The following BAZ1B variants were observed in gnomAD, a reference collection of about 807,000 sequenced individuals.
BAZ1B encodes the protein bromodomain adjacent to zinc finger domain 1B, also known as tyrosine-protein kinase BAZ1B.
A neutral mutation model predicts 153.8 loss-of-function variants in BAZ1B; 22 were observed. That is an observed-to-expected ratio of 0.14 (90% confidence interval 0.10 to 0.20). The LOEUF (loss-of-function observed/expected upper bound fraction) is 0.20. Ranked by LOEUF, BAZ1B falls within the 10% of genes least tolerant of loss-of-function variation. BAZ1B has a pLI of 1.00. For synonymous variants in BAZ1B, 676 were observed against 633.4 expected (o/e 1.07, Z -1.01); for missense variants, 1,325 against 1,799.3 (o/e 0.74, Z 4.77).
chr7:73,494,115 C>A (rs1395749125), intron 4 of BAZ1B, among the ~76,000 whole-genome samples: 1 of 151,674 alleles, frequency 6.6e-6, no homozygotes, highest in Non-Finnish European at 1.5e-5. Context: ...ATCACAGTGG[C>A]TCGTGCCTGT....
In BAZ1B at chr7:73,489,422, C is replaced by G. The variant is rs782066797; in HGVS notation, c.694-31G>C. ...TTAAAAAGAAACAAATAACTCACCACTGGGGTAAAAAGTAATTACCCAAAT... is the reference window on the plus strand; with the variant it reads ...TTAAAAAGAAACAAATAACTCACCAGTGGGGTAAAAAGTAATTACCCAAAT... On this transcript the variant is annotated intron_variant, in intron 5 of 19. Coordinates refer to ENST00000339594, the MANE Select transcript of BAZ1B (RefSeq NM_032408.4). 7 of 1,611,426 alleles carry G rather than the reference C, an allele frequency of 4.3e-6. No individual in the cohort carries two copies. The South Asian group carries it at 7.7e-5, about 18-fold the overall frequency.
chr7:73,449,452 T>C, intron 15 of BAZ1B, 90 bp downstream of exon 15: 1 of 1,426,954 alleles, frequency 7.0e-7, no homozygotes, highest in Non-Finnish European at 9.3e-7. Context: ...TAAAGCTCCT[T>C]AGATTCATTC....
intron 1 of BAZ1B, 21 bp downstream of exon 1, chr7:73,521,806 C>A: frequency 2.0e-6 from 3 of 1,483,254 alleles, no homozygotes; most frequent in Non-Finnish European, 2.7e-6. Flanking sequence ...CAGCCCGGCC[C>A]GCGCGGCTGG....
chr7:73,452,939 C>A (rs1370823952), intron 13 of BAZ1B, among the ~76,000 whole-genome samples: 2 of 152,092 alleles, frequency 1.3e-5, no homozygotes, highest in South Asian at 2.1e-4. Context: ...AGGATTTTGC[C>A]AAACAATATA....
intron 12 of BAZ1B, among the ~76,000 whole-genome samples, chr7:73,461,071 G>A (rs1193461297): frequency 6.6e-6 from 1 of 151,966 alleles, no homozygotes; most frequent in Admixed American, 6.6e-5. Context: ...CGCCTCCCGG[G>A]TTTAAGCGAT....
intron 7 of BAZ1B, among the ~76,000 whole-genome samples, chr7:73,474,537 G>GGC (rs1354897604): frequency 6.6e-6 from 1 of 152,214 alleles, no homozygotes; most frequent in Non-Finnish European, 1.5e-5. Flanking sequence ...CACTCTGGGA[G>GGC]GCCAAGGCGT....
At chr7:73,453,206 C>T (rs1055403820) in intron 13 of BAZ1B, among the ~76,000 whole-genome samples, 5 of 152,238 alleles carry the variant, frequency 3.3e-5, no homozygotes, top group Non-Finnish European at 7.3e-5. Context: ...TGGTGGGGAA[C>T]CACGAGGCAT....
rs144479496 is a variant in BAZ1B at position 73,510,108 on chromosome 7, C to A, written c.224+628G>T. 3.0e-3 allele frequency among the ~76,000 whole-genome samples: 431 copies of A among 144,114 alleles called. 7 individuals carry two copies. Among genetic ancestry groups the A allele is most frequent in the Admixed American group, 0.023 (328 of 14,434 alleles). 94.5% of individuals were successfully genotyped at this position (144,114 alleles called of 152,430 possible). ...TGCCCCTGCATTCCAGCCTGGGCAACAGAGTGAGACTCCATCTCAAAAATA... is the reference window on the plus strand; with the variant it reads ...TGCCCCTGCATTCCAGCCTGGGCAAAAGAGTGAGACTCCATCTCAAAAATA... On this transcript the variant is annotated intron_variant, in intron 2 of 19. Transcript: ENST00000339594.
chr7:73,510,488 T>C (rs1437957970), intron 2 of BAZ1B, among the ~76,000 whole-genome samples: 1 of 152,162 alleles, frequency 6.6e-6, no homozygotes, highest in African/African-American at 2.4e-5. Context: ...GGTCAAAGTA[T>C]GGAGCAGGAA....
intron 1 of BAZ1B, among the ~76,000 whole-genome samples, chr7:73,518,691 G>T (rs1233028429): frequency 1.3e-5 from 2 of 152,188 alleles, no homozygotes; most frequent in Non-Finnish European, 2.9e-5. Flanking sequence ...TCCAGCCTGG[G>T]CAACACAGCA....
At chr7:73,510,003 T>G (rs1293227845) in intron 2 of BAZ1B, among the ~76,000 whole-genome samples, 2 of 151,582 alleles carry the variant, frequency 1.3e-5, no homozygotes, top group Non-Finnish European at 2.9e-5. Flanking sequence ...GGTGAGCGCC[T>G]GTAGACCCAG....
chr7:73,442,716 A>G lies in BAZ1B; in HGVS notation c.4094+9T>C, dbSNP rs781904943. 1.2e-5 allele frequency: 19 copies of G among 1,612,788 alleles called. No homozygotes were observed. Among genetic ancestry groups the G allele is most frequent in the South Asian group, 3.3e-5 (3 of 91,058 alleles). ...TCCTCTCCCCTGCACCTGAGAACAC[A>G]GCACTCACCTGAAGGGCCAGCTGAA... On this transcript the variant is annotated intron_variant, in intron 18 of 19. Coordinates refer to ENST00000339594, the MANE Select transcript of BAZ1B (RefSeq NM_032408.4).
At chr7:73,491,990 T>C (rs1449737675) in intron 5 of BAZ1B, among the ~76,000 whole-genome samples, 1 of 147,548 alleles carries the variant, frequency 6.8e-6, no homozygotes, top group African/African-American at 2.5e-5. Flanking sequence ...AAAACGCTTT[T>C]TTTTTTTTTT....
At chr7:73,452,602 G>A (rs1368863710) in intron 13 of BAZ1B, among the ~76,000 whole-genome samples, 1 of 151,718 alleles carries the variant, frequency 6.6e-6, no homozygotes, top group East Asian at 1.9e-4. Flanking sequence ...TGTGCCTGTA[G>A]TCCCAGCTAC....
At chr7:73,467,269 ATTGT>A (rs1554571318) in intron 9 of BAZ1B, among the ~76,000 whole-genome samples, 2 of 152,028 alleles carry the variant, frequency 1.3e-5, no homozygotes, top group African/African-American at 4.8e-5. Flanking sequence ...TCATACTATG[ATTGT>A]TTATCTTCTC....
At chr7:73,442,874 G>T in intron 17 of BAZ1B, 46 bp from the exon 18 acceptor site, 1 of 1,420,292 alleles carries the variant, frequency 7.0e-7, no homozygotes. Context: ...CAAGACAGGA[G>T]GAAGAATGGA....
chr7:73,510,776 G>A lies in BAZ1B; in HGVS notation c.184C>T (p.His62Tyr). ...CKSTGSSQLT[H>Y]KEAWEEEQEV... ...TGTTCTTCCTCCCAGGCTTCCTTGT[G>A]TGTTAGCTGACTGCTTCCAGTACTC... is the stretch of plus-strand genomic sequence containing the variant. Residue 62 changes from histidine to tyrosine, a missense_variant, in exon 2 of 20, where the codon CAC becomes TAC. By Grantham distance (83) the His-to-Tyr change is moderately conservative (BLOSUM62 2). Around this residue, in one of 9 missense-constraint regions of BAZ1B, gnomAD observed 14 missense variants for 42.3 expected, o/e 0.33. Coordinates refer to ENST00000339594, the MANE Select transcript of BAZ1B (RefSeq NM_032408.4). 6.2e-7 allele frequency: 1 copy of A among 1,614,148 alleles called. No homozygotes were observed. The highest frequency in any genetic ancestry group is 8.5e-7 in the Non-Finnish European group (1 of 1,180,026).
chr7:73,509,723 G>C (rs1002300910), intron 2 of BAZ1B, among the ~76,000 whole-genome samples: 1 of 151,516 alleles, frequency 6.6e-6, no homozygotes, highest in Non-Finnish European at 1.5e-5. Context: ...AGGAAACCAG[G>C]AAGCGTTAAC....
rs1563395013 is a variant in BAZ1B, at chr7:73,498,684, T to C, written c.384A>G (p.Lys128=). ...EECDFEVGKE[K]MLKVKIVKIH... is the part of the protein sequence containing the mutation. The stretch of plus-strand genomic sequence containing the variant: ...TCTTCACAATCTTCACCTTGAGCAT[T>C]TTCTCCTTCCCAACCTATAAAGGAG... Residue 128 remains lysine, a synonymous_variant, in exon 4 of 20, where the codon AAA becomes AAG. Coordinates refer to ENST00000339594, the MANE Select transcript of BAZ1B (RefSeq NM_032408.4). The C allele has an allele frequency of 1.9e-6, 3 of 1,614,010 alleles. No homozygotes were observed. Among genetic ancestry groups the C allele is most frequent in the Non-Finnish European group, 1.7e-6 (2 of 1,180,006 alleles).
Sources: gnomAD v4.1 joint callset for allele counts (sites outside exome capture counted in the v4.1 genomes callset) on GRCh38, gnomAD v4.1.1 for gene constraint, gnomAD v4.1.1 regional missense constraint, MANE v1.5 for transcripts, NCBI Gene and HGNC (gene_info 2026-07-23, HGNC 2026-07-21) for gene names.